GUCY1A2: variants seen among roughly 807,000 people sequenced by gnomAD.
GUCY1A2 encodes the protein guanylate cyclase 1 soluble subunit alpha 2.
In GUCY1A2, 27 loss-of-function variants were observed where a neutral mutation model predicts 63.5. The ratio of observed to expected loss-of-function variants is 0.43; its 90% confidence interval spans 0.31 to 0.59. GUCY1A2 has a LOEUF of 0.59. Ranked by LOEUF, GUCY1A2 falls within the 20% of genes least tolerant of loss-of-function variation. The pLI, the probability that GUCY1A2 is intolerant of heterozygous loss-of-function variation, is 0.11. For synonymous variants in GUCY1A2, 364 were observed against 343.5 expected (o/e 1.06, Z -0.66); for missense variants, 768 against 913.3 (o/e 0.84, Z 2.05).
intron 5 of GUCY1A2, among the ~76,000 whole-genome samples, chr11:106,781,129 A>G (rs77329619): frequency 8.7e-4 from 126 of 145,432 alleles, no homozygotes; most frequent in South Asian, 5.4e-3. Context: ...AAAAAAAAAA[A>G]AAAAGAAAAA....
intron 6 of GUCY1A2, among the ~76,000 whole-genome samples, chr11:106,720,153 G>C (rs1863289902): frequency 6.6e-6 from 1 of 152,222 alleles, no homozygotes; most frequent in African/African-American, 2.4e-5. Context: ...ATGCATTCCA[G>C]TTAGTGTAAG....
intron 4 of GUCY1A2, among the ~76,000 whole-genome samples, chr11:106,905,039 G>A (rs1860185361): frequency 6.6e-6 from 1 of 152,094 alleles, no homozygotes; most frequent in Admixed American, 6.6e-5. Context: ...GAAAAGACAG[G>A]AAATGATGCA....
At chr11:106,920,291 T>C (rs1219464733) in intron 4 of GUCY1A2, among the ~76,000 whole-genome samples, 1 of 152,136 alleles carries the variant, frequency 6.6e-6, no homozygotes, top group Non-Finnish European at 1.5e-5. Flanking sequence ...AAATTGGGAA[T>C]ATTTTAACTG....
chr11:106,869,699 G>A (rs528134857), intron 4 of GUCY1A2, among the ~76,000 whole-genome samples: 8 of 152,244 alleles, frequency 5.3e-5, no homozygotes, highest in East Asian at 3.9e-4. Context: ...ACAGTGTGGC[G>A]ATTCCTCAGG....
intron 5 of GUCY1A2, among the ~76,000 whole-genome samples, chr11:106,780,576 C>T (rs893590142): frequency 6.6e-6 from 1 of 152,152 alleles, no homozygotes; most frequent in Non-Finnish European, 1.5e-5. Context: ...CCCAATTGTA[C>T]AGGAGCTCTT....
intron 4 of GUCY1A2, among the ~76,000 whole-genome samples, chr11:106,892,308 A>G (rs541676395): frequency 1.3e-5 from 2 of 152,196 alleles, no homozygotes; most frequent in African/African-American, 4.8e-5. Context: ...CCCTTTGACC[A>G]ATGCTATCTC....
intron 4 of GUCY1A2, among the ~76,000 whole-genome samples, chr11:106,896,099 T>C (rs1032793665): frequency 6.6e-6 from 1 of 150,960 alleles, no homozygotes; most frequent in African/African-American, 2.4e-5. Flanking sequence ...AATCCAAGAA[T>C]GTATAAATGT....
intron 6 of GUCY1A2, among the ~76,000 whole-genome samples, chr11:106,720,043 A>C (rs1863287403): frequency 6.6e-6 from 1 of 152,132 alleles, no homozygotes; most frequent in East Asian, 1.9e-4. Flanking sequence ...TCAAAAAAAT[A>C]TTCCTTTATA....
chr11:106,681,489 T>C lies in GUCY1A2; in HGVS notation c.*6060A>G, dbSNP rs140718163. On this transcript the variant is annotated 3_prime_UTR_variant, in exon 8 of 8. Coordinates refer to ENST00000526355, the MANE Select transcript of GUCY1A2 (RefSeq NM_000855.3). ...ACATTATAAATAATACACAAATCTC[T>C]TTGACAGGAATAGAAATCATATTTT... 2.3e-5 allele frequency: 5 copies of C among 220,140 alleles called. No individual in the cohort carries two copies. The highest frequency in any genetic ancestry group is 3.6e-5 in the Non-Finnish European group (4 of 109,692). The allele number at this position is 220,140 out of a possible 1,614,324, so 13.6% of individuals were successfully genotyped here.
chr11:106,920,807 CT>C (rs1303569174), intron 4 of GUCY1A2, among the ~76,000 whole-genome samples: 1 of 151,964 alleles, frequency 6.6e-6, no homozygotes, highest in Non-Finnish European at 1.5e-5. Flanking sequence ...ATCATATTTC[CT>C]TTTTAAAAAT....
At chr11:106,824,525 T>A (rs1245300475) in intron 4 of GUCY1A2, among the ~76,000 whole-genome samples, 1 of 151,974 alleles carries the variant, frequency 6.6e-6, no homozygotes, top group South Asian at 2.1e-4. Flanking sequence ...AAACCACTGT[T>A]TTAAACCAAA....
intron 5 of GUCY1A2, among the ~76,000 whole-genome samples, chr11:106,792,047 CT>C (rs1452354869): frequency 4.6e-5 from 7 of 152,146 alleles, no homozygotes; most frequent in Non-Finnish European, 1.0e-4. Flanking sequence ...ATGCAAAATT[CT>C]TCAACAAAAT....
chr11:106,943,224 A>G (rs1031600920), intron 3 of GUCY1A2, among the ~76,000 whole-genome samples: 6 of 152,226 alleles, frequency 3.9e-5, no homozygotes, highest in African/African-American at 1.2e-4. Flanking sequence ...CAGACAACTG[A>G]TGCAATTCTG....
chr11:106,859,398 G>T (rs1380449172), intron 4 of GUCY1A2, among the ~76,000 whole-genome samples: 1 of 151,970 alleles, frequency 6.6e-6, no homozygotes, highest in African/African-American at 2.4e-5. Flanking sequence ...TTATTCTGCT[G>T]AACCTCATCA....
intron 1 of GUCY1A2, among the ~76,000 whole-genome samples, chr11:106,992,425 G>C (rs563182382): frequency 6.6e-6 from 1 of 150,892 alleles, no homozygotes; most frequent in African/African-American, 2.4e-5. Context: ...CACCTCCCGG[G>C]TTCAAGCGAT....
At chr11:106,952,550 G>T (rs1860924516) in intron 3 of GUCY1A2, among the ~76,000 whole-genome samples, 1 of 151,966 alleles carries the variant, frequency 6.6e-6, no homozygotes, top group Non-Finnish European at 1.5e-5. Flanking sequence ...GCCTATTATT[G>T]GTGTAAAGGA....
At chr11:106,929,038 G>A (rs1050824460) in intron 4 of GUCY1A2, among the ~76,000 whole-genome samples, 15 of 152,170 alleles carry the variant, frequency 9.9e-5, no homozygotes, top group Non-Finnish European at 2.1e-4. Context: ...TCTAATAAGT[G>A]ATCATAATCT....
At chr11:106,834,041 T>G (rs1018422321) in intron 4 of GUCY1A2, among the ~76,000 whole-genome samples, 1 of 152,066 alleles carries the variant, frequency 6.6e-6, no homozygotes, top group African/African-American at 2.4e-5. Context: ...AATTAACATA[T>G]CCATATTTCA....
intron 6 of GUCY1A2, among the ~76,000 whole-genome samples, chr11:106,754,259 AGAT>A (rs2135387189): frequency 6.6e-6 from 1 of 152,310 alleles, no homozygotes; most frequent in East Asian, 1.9e-4. Flanking sequence ...TTTGGGGCTG[AGAT>A]GATGGGGTTT....
Sources: gnomAD v4.1 joint callset for allele counts (sites outside exome capture counted in the v4.1 genomes callset) on GRCh38, gnomAD v4.1.1 for gene constraint, MANE v1.5 for transcripts, NCBI Gene and HGNC (gene_info 2026-07-23, HGNC 2026-07-21) for gene names.